SLC12A1: variants seen among roughly 807,000 people sequenced by gnomAD.
SLC12A1 encodes Na-K-2Cl cotransporter.
In SLC12A1, 89 loss-of-function variants were observed where a neutral mutation model predicts 130.4. The observed-to-expected ratio is 0.68, with a 90% CI of 0.58 to 0.81. SLC12A1 has a LOEUF of 0.81. Ranked by LOEUF, SLC12A1 falls within the 40% of genes least tolerant of loss-of-function variation. The pLI, the probability that SLC12A1 is intolerant of heterozygous loss-of-function variation, is 0.00. For synonymous variants in SLC12A1, 499 were observed against 460.0 expected (o/e 1.08, Z -1.09); for missense variants, 1,310 against 1,336.4 (o/e 0.98, Z 0.31).
Position 48,246,939 on chromosome 15 carries a change from C to A in SLC12A1, c.1483C>A (p.Leu495Ile). Residue 495 changes from leucine to isoleucine, a missense_variant, in exon 12 of 27, where the codon CTC becomes ATC. Leu to Ile is a conservative substitution (Grantham distance 5). Transcript: ENST00000380993. ...VMSMVSGFGPLITAGIFSATL... is the reference protein window; with the variant it reads ...VMSMVSGFGPIITAGIFSATL... Reference sequence around the variant, plus strand: ...GAGCATGGTATCAGGGTTCGGCCCCCTCATCACTGCGGGAATCTTTTCTGC... The same window carrying A: ...GAGCATGGTATCAGGGTTCGGCCCCATCATCACTGCGGGAATCTTTTCTGC... 6.2e-7 allele frequency: 1 copy of A among 1,613,966 alleles called. No individual in the cohort carries two copies.
intron 23 of SLC12A1, 133 bp from the exon 24 acceptor site, chr15:48,291,645 C>T: frequency 1.5e-6 from 1 of 655,360 alleles, no homozygotes; most frequent in Non-Finnish European, 2.7e-6. Flanking sequence ...AAACACCAAC[C>T]AAAAAGCCTC....
intron 2 of SLC12A1, among the ~76,000 whole-genome samples, chr15:48,212,080 T>A (rs941080947): frequency 6.6e-6 from 1 of 152,160 alleles, no homozygotes; most frequent in Non-Finnish European, 1.5e-5. Context: ...GAACATTAGT[T>A]TCTATAAGTA....
At chr15:48,284,270 C>G (rs1376918603) in intron 20 of SLC12A1, among the ~76,000 whole-genome samples, 1 of 152,186 alleles carries the variant, frequency 6.6e-6, no homozygotes, top group Admixed American at 6.5e-5. Context: ...TAATTTGTAT[C>G]CAGAGCCTAT....
chr15:48,290,236 T>A (rs2042105220), intron 23 of SLC12A1, among the ~76,000 whole-genome samples: 1 of 152,152 alleles, frequency 6.6e-6, no homozygotes, highest in African/African-American at 2.4e-5. Context: ...GTCTGCCACC[T>A]CCACATCCTG....
intron 24 of SLC12A1, among the ~76,000 whole-genome samples, chr15:48,297,229 C>T (rs960638389): frequency 2.6e-5 from 4 of 152,036 alleles, no homozygotes; most frequent in African/African-American, 9.7e-5. Flanking sequence ...ATGTATGTTC[C>T]GTAGGAGAGA....
chr15:48,208,347 C>T (rs531582094), intron 2 of SLC12A1, among the ~76,000 whole-genome samples: 31 of 151,598 alleles, frequency 2.0e-4, no homozygotes, highest in African/African-American at 6.5e-4. Context: ...TTTCTTGAGA[C>T]AAAGTCTTGC....
At chr15:48,229,568 T>G (rs1349293931) in intron 6 of SLC12A1, among the ~76,000 whole-genome samples, 1 of 152,204 alleles carries the variant, frequency 6.6e-6, no homozygotes, top group Non-Finnish European at 1.5e-5. Context: ...ATCTATAATA[T>G]GGGCTAATAA....
At chr15:48,241,674 A>G in intron 10 of SLC12A1, 75 bp downstream of exon 10, 4 of 999,570 alleles carry the variant, frequency 4.0e-6, no homozygotes, top group Admixed American at 3.6e-5. Flanking sequence ...TGAGCTTTCA[A>G]TGCAGCATAA....
intron 17 of SLC12A1, among the ~76,000 whole-genome samples, chr15:48,260,380 A>C (rs77791041): frequency 6.2e-5 from 9 of 144,264 alleles, no homozygotes; most frequent in African/African-American, 2.5e-4. Context: ...ACACACACAC[A>C]CACCACTGAA....
chr15:48,256,597 C>G (rs1251850148), intron 16 of SLC12A1, among the ~76,000 whole-genome samples: 2 of 152,178 alleles, frequency 1.3e-5, no homozygotes, highest in Non-Finnish European at 2.9e-5. Context: ...GCATGTCTTA[C>G]ATGGCGGCAG....
At chr15:48,230,613 T>C (rs183846080) in intron 7 of SLC12A1, 110 bp downstream of exon 7, 12 of 730,156 alleles carry the variant, frequency 1.6e-5, no homozygotes, top group African/African-American at 3.5e-5. Context: ...TTACCTGCTA[T>C]GGTGAAATGA....
At chr15:48,250,069 G>A (rs1241545883) in intron 14 of SLC12A1, among the ~76,000 whole-genome samples, 1 of 152,172 alleles carries the variant, frequency 6.6e-6, no homozygotes, top group African/African-American at 2.4e-5. Flanking sequence ...CAGAAGAGAA[G>A]GATGAGTAGT....
chr15:48,222,168 G>T (rs562339547), intron 4 of SLC12A1, among the ~76,000 whole-genome samples: 1 of 152,148 alleles, frequency 6.6e-6, no homozygotes, highest in Non-Finnish European at 1.5e-5. Flanking sequence ...ATATTGCCAA[G>T]GTTTTGCTCC....
intron 13 of SLC12A1, among the ~76,000 whole-genome samples, chr15:48,248,756 T>C (rs1187370966): frequency 6.6e-6 from 1 of 152,224 alleles, no homozygotes; most frequent in African/African-American, 2.4e-5. Flanking sequence ...GCAAAAGTAT[T>C]TTGGGGCCAG....
chr15:48,247,485 T>A (rs745408856), intron 13 of SLC12A1, 25 bp downstream of exon 13: 5 of 1,547,872 alleles, frequency 3.2e-6, no homozygotes, highest in Non-Finnish European at 4.4e-6. Context: ...CTTGTTTTTA[T>A]TGAAAACCAA....
chr15:48,218,277 T>C (rs2041151377), intron 2 of SLC12A1, among the ~76,000 whole-genome samples: 1 of 152,196 alleles, frequency 6.6e-6, no homozygotes, highest in African/African-American at 2.4e-5. Flanking sequence ...ATTATGCTGC[T>C]TATCCAAGTG....
At chr15:48,291,703 A>G in intron 23 of SLC12A1, 75 bp from the exon 24 acceptor site, 1 of 907,024 alleles carries the variant, frequency 1.1e-6, no homozygotes, top group Non-Finnish European at 1.8e-6. Context: ...TTGATATCTT[A>G]ACTCAAACAA....
chr15:48,262,840 C>T (rs191732048), intron 17 of SLC12A1, among the ~76,000 whole-genome samples: 4 of 152,294 alleles, frequency 2.6e-5, no homozygotes, highest in Admixed American at 2.0e-4. Context: ...TAAGCATAGC[C>T]AAGTTCAACA....
rs1378627688 is a variant in SLC12A1, at chr15:48,249,570, T to C, written c.1685-5T>C. On this transcript the variant is annotated splice_region_variant and splice_polypyrimidine_tract_variant and intron_variant, in intron 13 of 26. Coordinates refer to ENST00000380993, the MANE Select transcript of SLC12A1 (RefSeq NM_000338.3). ...CGTACATGTTCAATTCTGTTACTTT[T>C]ACAGCGGAACTGAACACCATTGCTC... 4 of 1,610,816 alleles carry C rather than the reference T, an allele frequency of 2.5e-6. No homozygotes were observed. The highest frequency in any genetic ancestry group is 1.7e-5 in the Admixed American group (1 of 60,000).
Sources: allele counts gnomAD v4.1 joint callset (sites outside exome capture counted in the v4.1 genomes callset), GRCh38; gene constraint gnomAD v4.1.1; transcripts MANE v1.5; gene names NCBI Gene and HGNC (gene_info 2026-07-23, HGNC 2026-07-21).